Variants in PACRG observed in about 807,000 individuals in gnomAD.
PACRG encodes the protein parkin coregulated gene protein.
A neutral mutation model predicts 29.7 loss-of-function variants in PACRG; 29 were observed. That is an observed-to-expected ratio of 0.98 (90% CI 0.73 to 1.33). PACRG has a LOEUF of 1.33. Among genes scored for constraint, PACRG ranks in the 40% most tolerant of loss-of-function variants. The probability of loss-of-function intolerance (pLI) is 0.00; values close to 1 mark genes in which losing one functional copy is unlikely to be tolerated. For missense variants in PACRG, 279 were observed against 316.2 expected (o/e 0.88, Z 0.89); for synonymous variants, 116 against 118.7 (o/e 0.98, Z 0.15).
At chr6:163,086,628 TA>T (rs1294320937) in intron 3 of PACRG, among the ~76,000 whole-genome samples, 1 of 152,100 alleles carries the variant, frequency 6.6e-6, no homozygotes, top group Admixed American at 6.5e-5. Context: ...AGTTCGTTGC[TA>T]GGGGGGATGA....
At chr6:162,848,466 G>A (rs1203800298) in intron 2 of PACRG, among the ~76,000 whole-genome samples, 3 of 152,204 alleles carry the variant, frequency 2.0e-5, no homozygotes, top group Non-Finnish European at 2.9e-5. Flanking sequence ...ATGAACAGAT[G>A]AAATCGGATC....
intron 1 of PACRG, among the ~76,000 whole-genome samples, chr6:162,793,580 G>A (rs536789380): frequency 2.6e-5 from 4 of 152,176 alleles, no homozygotes; most frequent in African/African-American, 9.7e-5. Context: ...CAAGAAGAAG[G>A]AAGAAAGGAA....
intron 4 of PACRG, among the ~76,000 whole-genome samples, chr6:163,276,008 CTTCTTTCTTTCT>C (rs376811032): frequency 3.6e-5 from 5 of 140,576 alleles, no homozygotes; most frequent in Non-Finnish European, 7.5e-5. Flanking sequence ...TCCTTCCTTC[CTTCTTTCTTTCT>C]TTCTTTCTTT....
intron 4 of PACRG, among the ~76,000 whole-genome samples, chr6:163,242,895 T>G (rs1423617102): frequency 1.3e-5 from 2 of 152,236 alleles, no homozygotes; most frequent in Non-Finnish European, 2.9e-5. Context: ...AACCAACATT[T>G]AAATGGGCTT....
chr6:162,934,284 A>G (rs1053710955), intron 2 of PACRG, among the ~76,000 whole-genome samples: 3 of 152,072 alleles, frequency 2.0e-5, no homozygotes, highest in African/African-American at 7.2e-5. Flanking sequence ...AAATAAATGA[A>G]AAAAAGAGAA....
rs138397948 is a variant in PACRG at position 162,953,156 on chromosome 6, T to G, written c.292-108994T>G. 1.1e-4 allele frequency among the ~76,000 whole-genome samples: 17 copies of G among 152,302 alleles called. No homozygotes were observed. The East Asian group carries it at 3.1e-3, about 28-fold the overall frequency. ...ACAAGTGTCATAACTGCATTAAAAT[T>G]TTACTCTCCTTATAACCTATATTTA... On this transcript the variant is annotated intron_variant, in intron 2 of 4. Coordinates refer to ENST00000366888, the MANE Select transcript of PACRG (RefSeq NM_001080379.2).
intron 2 of PACRG, among the ~76,000 whole-genome samples, chr6:163,018,590 C>G (rs1411459962): frequency 2.0e-5 from 3 of 152,170 alleles, no homozygotes; most frequent in Non-Finnish European, 2.9e-5. Context: ...GTCAAAAAGC[C>G]TGATGACAAC....
intron 4 of PACRG, among the ~76,000 whole-genome samples, chr6:163,289,989 A>G (rs1305599165): frequency 6.6e-6 from 1 of 152,080 alleles, no homozygotes; most frequent in African/African-American, 2.4e-5. Flanking sequence ...CTGGGATTAC[A>G]GGCATGCACC....
chr6:162,750,037 A>G (rs374925948), intron 1 of PACRG, among the ~76,000 whole-genome samples: 11 of 152,278 alleles, frequency 7.2e-5, no homozygotes, highest in East Asian at 3.9e-4. Flanking sequence ...TCCATTGTTG[A>G]TTACCCAATG....
At chr6:163,228,052 T>A (rs1781874745) in intron 4 of PACRG, among the ~76,000 whole-genome samples, 1 of 152,140 alleles carries the variant, frequency 6.6e-6, no homozygotes, top group Non-Finnish European at 1.5e-5. Flanking sequence ...AGTCTGGAAA[T>A]GTATCCAGAA....
intron 2 of PACRG, among the ~76,000 whole-genome samples, chr6:162,928,066 T>C (rs958661171): frequency 1.8e-4 from 28 of 152,086 alleles, no homozygotes; most frequent in Non-Finnish European, 3.2e-4. Context: ...AATTCTCTCC[T>C]CTTCAGTTTT....
intron 1 of PACRG, among the ~76,000 whole-genome samples, chr6:162,773,396 A>G (rs1272334775): frequency 6.6e-6 from 1 of 152,174 alleles, no homozygotes; most frequent in African/African-American, 2.4e-5. Context: ...TACTTTAAAA[A>G]TAGATGTAGA....
chr6:163,228,379 C>CAAAA (rs11362557), intron 4 of PACRG, among the ~76,000 whole-genome samples: 2 of 68,162 alleles, frequency 2.9e-5, no homozygotes, highest in Non-Finnish European at 2.6e-5. Flanking sequence ...TTTAAGCAGG[C>CAAAA]AAAAAAAAAA....
At chr6:163,035,567 A>G (rs1808092416) in intron 2 of PACRG, among the ~76,000 whole-genome samples, 1 of 152,058 alleles carries the variant, frequency 6.6e-6, no homozygotes. Flanking sequence ...AATCACTTGA[A>G]CTTGGGAGGC....
At chr6:163,128,052 T>C (rs773785691) in intron 4 of PACRG, among the ~76,000 whole-genome samples, 1 of 152,216 alleles carries the variant, frequency 6.6e-6, no homozygotes, top group Non-Finnish European at 1.5e-5. Flanking sequence ...CAGAAGATTT[T>C]TAAATTTAAA....
intron 2 of PACRG, among the ~76,000 whole-genome samples, chr6:162,894,904 T>G (rs1158113193): frequency 6.6e-6 from 1 of 152,298 alleles, no homozygotes; most frequent in Admixed American, 6.5e-5. Context: ...AGGCATTTAT[T>G]AAACTTAATG....
intron 4 of PACRG, among the ~76,000 whole-genome samples, chr6:163,273,126 C>G (rs537857076): frequency 6.8e-6 from 1 of 146,538 alleles, no homozygotes; most frequent in South Asian, 2.1e-4. Flanking sequence ...ATCTCCTGAC[C>G]TCGTGATCCG....
chr6:162,868,501 C>A (rs1175637339), intron 2 of PACRG, among the ~76,000 whole-genome samples: 1 of 152,208 alleles, frequency 6.6e-6, no homozygotes, highest in Non-Finnish European at 1.5e-5. Context: ...CAGTCGTTCC[C>A]CCTTGGGAGT....
intron 4 of PACRG, among the ~76,000 whole-genome samples, chr6:163,167,467 C>T (rs1051448746): frequency 2.6e-5 from 4 of 152,092 alleles, no homozygotes; most frequent in Admixed American, 6.6e-5. Context: ...TTTTGAGACT[C>T]ATGTGAATAA....
Sources: gnomAD v4.1 joint callset for allele counts (sites outside exome capture counted in the v4.1 genomes callset) on GRCh38, gnomAD v4.1.1 for gene constraint, MANE v1.5 for transcripts, NCBI Gene and HGNC (gene_info 2026-07-23, HGNC 2026-07-21) for gene names.